The following PTPRC variants were observed in gnomAD, a reference collection of about 807,000 sequenced individuals.
PTPRC encodes receptor-type tyrosine-protein phosphatase C.
Under a neutral mutation model 155.9 loss-of-function variants are expected in PTPRC, and 44 were observed. The observed-to-expected ratio is 0.28, with a 90% CI of 0.22 to 0.36. The LOEUF is 0.36. PTPRC is among the 10% of genes least tolerant of loss of function. The pLI is 1.00. For missense variants in PTPRC, 1,401 were observed against 1,564.6 expected (o/e 0.90, Z 1.76); for synonymous variants, 525 against 533.1 (o/e 0.98, Z 0.21).
intron 2 of PTPRC, among the ~76,000 whole-genome samples, chr1:198,682,915 A>C (rs1159225178): frequency 6.6e-6 from 1 of 152,168 alleles, no homozygotes; most frequent in Non-Finnish European, 1.5e-5. Context: ...TCTGAATCCC[A>C]TTTTGATGGT....
chr1:198,749,517 C>G lies in PTPRC; in HGVS notation c.3040C>G (p.Pro1014Ala). 1 of 1,610,856 alleles carries G rather than the reference C, an allele frequency of 6.2e-7. No individual in the cohort carries two copies. Among genetic ancestry groups the G allele is most frequent in the Non-Finnish European group, 8.5e-7 (1 of 1,178,140 alleles). The change falls in exon 28 of 33, where the codon CCA (proline) becomes GCA (alanine). Residue 1014 changes from proline to alanine, a missense_variant. Physicochemically the swap from Pro to Ala is conservative, Grantham distance 27. Transcript: ENST00000442510. The stretch of plus-strand genomic sequence containing the variant: ...TGATGATGACAGTGATTCAGAGGAA[C>G]CAAGCAAATACATCAATGCATCTTT... ...SSDDDSDSEE[P>A]SKYINASFIM...
chr1:198,748,963 G>A (rs917261325), intron 27 of PTPRC, among the ~76,000 whole-genome samples: 19 of 151,538 alleles, frequency 1.3e-4, no homozygotes, highest in African/African-American at 4.4e-4. Flanking sequence ...GAAACAGTGA[G>A]AAATTATAGG....
intron 12 of PTPRC, among the ~76,000 whole-genome samples, chr1:198,715,645 A>G (rs1032467428): frequency 1.4e-5 from 2 of 139,278 alleles, no homozygotes; most frequent in African/African-American, 5.6e-5. Context: ...TTTTTTTAAG[A>G]AAAAAAAAAC....
intron 28 of PTPRC, among the ~76,000 whole-genome samples, chr1:198,749,864 T>TACTC (rs1169501355): frequency 6.6e-6 from 1 of 151,858 alleles, no homozygotes; most frequent in Non-Finnish European, 1.5e-5. Flanking sequence ...TGTTTATACA[T>TACTC]ACTCAGATAC....
At position 198,732,459 on chromosome 1, in the gene PTPRC, A is replaced by G. The variant is rs186250311; in HGVS notation, c.2066-21A>G. 6.7e-5 allele frequency: 108 copies of G among 1,607,260 alleles called. No individual in the cohort carries two copies. In the African/African-American group the frequency reaches 1.3e-3, roughly 20 times the overall value. ...TGATTATTCACTATTTCACTTGTTT[A>G]TTTTTCTTTTCCTTAAACAGATGAT... On this transcript the variant is annotated intron_variant, in intron 19 of 32. Transcript: ENST00000442510.
At chr1:198,685,954 C>CT (rs143457304) in intron 2 of PTPRC, among the ~76,000 whole-genome samples, 2,523 of 145,394 alleles carry the variant, frequency 0.017, 66 homozygotes, top group African/African-American at 0.059. Flanking sequence ...ATTTTTTTTT[C>CT]TTTTTTTTTT....
chr1:198,746,983 A>C (rs1655162286), intron 26 of PTPRC, among the ~76,000 whole-genome samples: 1 of 151,818 alleles, frequency 6.6e-6, no homozygotes, highest in South Asian at 2.1e-4. Flanking sequence ...ATGCTGAAAA[A>C]ATATATGTCT....
chr1:198,657,213 ATAAT>A (rs1420380132), intron 2 of PTPRC, among the ~76,000 whole-genome samples: 1 of 152,062 alleles, frequency 6.6e-6, no homozygotes, highest in African/African-American at 2.4e-5. Flanking sequence ...CACAGTGTAG[ATAAT>A]TAATCTTTAA....
At chr1:198,748,074 T>C (rs940914904) in intron 26 of PTPRC, 35 bp from the exon 27 acceptor site, 4 of 1,569,088 alleles carry the variant, frequency 2.5e-6, no homozygotes, top group Non-Finnish European at 3.5e-6. Context: ...ATTTACATTT[T>C]AAAGGAGTTT....
intron 11 of PTPRC, among the ~76,000 whole-genome samples, chr1:198,712,544 G>A (rs371928331): frequency 4.6e-5 from 7 of 152,114 alleles, no homozygotes; most frequent in East Asian, 3.8e-4. Flanking sequence ...AGTTTCAAAT[G>A]ACTAGTTACT....
chr1:198,735,019 T>C (rs1212846850), intron 22 of PTPRC, 108 bp from the exon 23 acceptor site: 3 of 997,214 alleles, frequency 3.0e-6, no homozygotes, highest in Middle Eastern at 3.3e-4. Flanking sequence ...ACAACTGTTT[T>C]GAGAATTTCA....
At chr1:198,675,364 G>A (rs1452413985) in intron 2 of PTPRC, among the ~76,000 whole-genome samples, 1 of 152,010 alleles carries the variant, frequency 6.6e-6, no homozygotes, top group Non-Finnish European at 1.5e-5. Flanking sequence ...CATTAAATGT[G>A]CTTTATCTTT....
intron 2 of PTPRC, among the ~76,000 whole-genome samples, chr1:198,682,519 T>C (rs1665391552): frequency 6.6e-6 from 1 of 152,200 alleles, no homozygotes; most frequent in African/African-American, 2.4e-5. Context: ...TGTAAACACG[T>C]TTCTACATAA....
chr1:198,669,615 C>A (rs1292787768), intron 2 of PTPRC, among the ~76,000 whole-genome samples: 1 of 152,090 alleles, frequency 6.6e-6, no homozygotes, highest in Admixed American at 6.6e-5. Context: ...CATGGTGAAT[C>A]CCTGACTTAC....
At chr1:198,718,655 A>T (rs143393898) in intron 14 of PTPRC, among the ~76,000 whole-genome samples, 1 of 152,240 alleles carries the variant, frequency 6.6e-6, no homozygotes, top group East Asian at 1.9e-4. Context: ...TTAATGTGGA[A>T]TTTTTCAATT....
chr1:198,723,033 A>G (rs1393068954), intron 15 of PTPRC, among the ~76,000 whole-genome samples: 1 of 151,574 alleles, frequency 6.6e-6, no homozygotes, highest in Non-Finnish European at 1.5e-5. Context: ...GCTGCATGTT[A>G]CATTCCCCAC....
At chr1:198,674,777 G>T (rs1283080881) in intron 2 of PTPRC, among the ~76,000 whole-genome samples, 1 of 151,990 alleles carries the variant, frequency 6.6e-6, no homozygotes, top group African/African-American at 2.4e-5. Flanking sequence ...CAGAAAAGTT[G>T]CAAAGATAGT....
In PTPRC at chr1:198,756,339, A is replaced by AGAT; in HGVS notation, c.*159_*161dup. ...TTTTACTACTGTGGAAAAATATTTA[A>AGAT]GATAGTTTTGCCAGAACAGTTTGTA... On this transcript the variant is annotated 3_prime_UTR_variant, in exon 33 of 33. Transcript: ENST00000442510. 3 of 1,017,326 alleles carry AGAT rather than the reference A, an allele frequency of 2.9e-6. No individual in the cohort carries two copies. Among genetic ancestry groups the AGAT allele is most frequent in the Admixed American group, 2.6e-5 (1 of 38,936 alleles). 63.0% of individuals were successfully genotyped at this position (1,017,326 alleles called of 1,614,324 possible).
At chr1:198,743,889 TGA>T (rs1655023248) in intron 25 of PTPRC, among the ~76,000 whole-genome samples, 163 bp from the exon 26 acceptor site, 1 of 151,898 alleles carries the variant, frequency 6.6e-6, no homozygotes, top group African/African-American at 2.4e-5. Context: ...CAGAAAACTC[TGA>T]GAGTGAACTT....
Sources: allele counts gnomAD v4.1 joint callset (sites outside exome capture counted in the v4.1 genomes callset), GRCh38; gene constraint gnomAD v4.1.1; transcripts MANE v1.5; gene names NCBI Gene and HGNC (gene_info 2026-07-23, HGNC 2026-07-21).